MCTP2: variants seen among roughly 807,000 people sequenced by gnomAD.
MCTP2 encodes the protein multiple C2 and transmembrane domain-containing protein 2.
Under a neutral mutation model 111.6 loss-of-function variants are expected in MCTP2, and 132 were observed. The observed-to-expected ratio is 1.18, with a 90% confidence interval of 1.03 to 1.37. The LOEUF (loss-of-function observed/expected upper bound fraction) is 1.37, where lower values mean the gene tolerates loss of function less well. Ranked by LOEUF, MCTP2 falls within the 40% of genes most tolerant of loss-of-function variation. The probability of loss-of-function intolerance (pLI) is 0.00; values close to 1 mark genes in which losing one functional copy is unlikely to be tolerated. For synonymous variants in MCTP2, 395 were observed against 387.7 expected (o/e 1.02, Z -0.22); for missense variants, 1,183 against 1,067.9 (o/e 1.11, Z -1.50).
At chr15:94,400,163 T>A (rs572726930) in intron 16 of MCTP2, among the ~76,000 whole-genome samples, 168 bp downstream of exon 16, 1 of 152,216 alleles carries the variant, frequency 6.6e-6, no homozygotes, top group South Asian at 2.1e-4. Context: ...CCTTCTCTCC[T>A]AAAATAAGGA....
intron 1 of MCTP2, among the ~76,000 whole-genome samples, chr15:94,269,441 G>T (rs1020012150): frequency 4.6e-5 from 7 of 152,146 alleles, no homozygotes; most frequent in African/African-American, 1.7e-4. Context: ...TAATAGAGTA[G>T]ATTTGTCTTT....
chr15:94,450,755 A>C (rs1428186938), intron 19 of MCTP2, among the ~76,000 whole-genome samples: 1 of 152,202 alleles, frequency 6.6e-6, no homozygotes, highest in Non-Finnish European at 1.5e-5. Flanking sequence ...CCTGTGACAA[A>C]TACTACTCAG....
rs1411832553 is a variant in MCTP2 at position 94,243,484 on chromosome 15, C to T, written c.-66+11820C>T. On this transcript the variant is annotated intron_variant, in intron 1 of 22. Transcript: ENST00000357742. ...GTATGCGTATATGCGTATGTACACACATACGTATGCGTACATATGTATGCG... is the reference window on the plus strand; with the variant it reads ...GTATGCGTATATGCGTATGTACACATATACGTATGCGTACATATGTATGCG... 1.4e-5 allele frequency among the ~76,000 whole-genome samples: 2 copies of T among 146,350 alleles called. 1 individual carries two copies. The highest frequency in any genetic ancestry group is 3.0e-5 in the Non-Finnish European group (2 of 66,348).
intron 7 of MCTP2, chr15:94,341,992 T>C (rs1055174666): frequency 6.6e-6 from 1 of 152,202 alleles, no homozygotes; most frequent in African/African-American, 2.4e-5. Flanking sequence ...TCCGTGACTC[T>C]GGATTCAGTG....
chr15:94,315,635 G>A lies in MCTP2; in HGVS notation c.635G>A (p.Cys212Tyr), dbSNP rs1294281823. The part of the protein sequence containing the change: ...EGRNLVVRDR[C>Y]GTSDPYVKFK... ...CGGAACCTGGTTGTCCGAGATCGCT[G>A]TGGTAAGACCTGGGTCTGTTATGGT... The change falls in exon 4 of 23, where the codon TGT becomes TAT. Residue 212 changes from cysteine to tyrosine, a missense_variant and splice_region_variant. Cys to Tyr is a radical substitution (Grantham distance 194). Transcript: ENST00000357742. 1 of 1,612,638 alleles carries A rather than the reference G, an allele frequency of 6.2e-7. No individual in the cohort carries two copies. Among genetic ancestry groups the A allele is most frequent in the Non-Finnish European group, 8.5e-7 (1 of 1,178,798 alleles).
At chr15:94,293,362 A>G (rs1596284908) in intron 1 of MCTP2, among the ~76,000 whole-genome samples, 1 of 152,248 alleles carries the variant, frequency 6.6e-6, no homozygotes, top group Admixed American at 6.5e-5. Flanking sequence ...CTCAACAATA[A>G]GAAAACCCAA....
chr15:94,460,247 C>G (rs2085102499), intron 20 of MCTP2, among the ~76,000 whole-genome samples: 1 of 152,122 alleles, frequency 6.6e-6, no homozygotes, highest in Non-Finnish European at 1.5e-5. Context: ...ACAGAAGAAA[C>G]TTATCAGCAT....
chr15:94,267,161 C>T (rs150999311), intron 1 of MCTP2, among the ~76,000 whole-genome samples: 51 of 152,266 alleles, frequency 3.3e-4, no homozygotes, highest in African/African-American at 1.2e-3. Flanking sequence ...TCACCACTGC[C>T]GCAATCATAA....
chr15:94,390,725 CTTTTTTTTTT>C (rs777312969), intron 14 of MCTP2, among the ~76,000 whole-genome samples: 2 of 112,984 alleles, frequency 1.8e-5, no homozygotes, highest in Non-Finnish European at 3.7e-5. Flanking sequence ...CTTTTCTTTT[CTTTTTTTTTT>C]TTTTTTTTTT....
chr15:94,422,419 A>G (rs2082669928), intron 17 of MCTP2, among the ~76,000 whole-genome samples: 1 of 152,196 alleles, frequency 6.6e-6, no homozygotes, highest in Non-Finnish European at 1.5e-5. Flanking sequence ...TTCAAGCTAC[A>G]TTTTGAAAGC....
chr15:94,256,601 A>G (rs894563836), intron 1 of MCTP2, among the ~76,000 whole-genome samples: 5 of 152,210 alleles, frequency 3.3e-5, no homozygotes, highest in African/African-American at 1.2e-4. Context: ...AGTGAGTATC[A>G]GGAAGGCAGA....
At chr15:94,291,126 G>T (rs999301241) in intron 1 of MCTP2, among the ~76,000 whole-genome samples, 1 of 152,268 alleles carries the variant, frequency 6.6e-6, no homozygotes. Context: ...CACATTGGGG[G>T]TCATAAGTCA....
chr15:94,243,466 T>A (rs2071278755), intron 1 of MCTP2, among the ~76,000 whole-genome samples: 1 of 113,578 alleles, frequency 8.8e-6, no homozygotes, highest in Non-Finnish European at 1.9e-5. Flanking sequence ...TGCGTATGCG[T>A]ATATGCGTAT....
chr15:94,448,023 C>T (rs2084220476), intron 19 of MCTP2, among the ~76,000 whole-genome samples: 1 of 152,186 alleles, frequency 6.6e-6, no homozygotes, highest in Admixed American at 6.5e-5. Context: ...TACCATCTTT[C>T]AAGCCTTTTA....
In MCTP2 at chr15:94,333,019, G is replaced by A. The variant is rs188952072; in HGVS notation, c.638-6271G>A. Among the ~76,000 whole-genome samples the A allele has an allele frequency of 8.9e-4, 136 of 152,282 alleles. 1 individual carries two copies. The highest frequency in any genetic ancestry group is 3.2e-3 in the African/African-American group (133 of 41,556). On this transcript the variant is annotated intron_variant, in intron 4 of 22. Coordinates refer to ENST00000357742, the MANE Select transcript of MCTP2 (RefSeq NM_001385001.1). ...TGGGATGCTGAGGCAGGCAGATTGC[G>A]AGGTCAGGAATCCGAGACCAGCCCG...
intron 1 of MCTP2, among the ~76,000 whole-genome samples, chr15:94,294,841 G>T (rs184410765): frequency 2.6e-5 from 4 of 151,858 alleles, no homozygotes. Flanking sequence ...CAGATTCTTG[G>T]GACTCACGTT....
chr15:94,402,568 A>C, intron 17 of MCTP2: 2 of 1,551,680 alleles, frequency 1.3e-6, no homozygotes, highest in Non-Finnish European at 1.7e-6. Context: ...GCATAATAAA[A>C]TCGCAGAATC....
chr15:94,333,359 ATATCAGCTTATTAAGCTT>A (rs1170545258), intron 4 of MCTP2, among the ~76,000 whole-genome samples: 3 of 152,216 alleles, frequency 2.0e-5, no homozygotes, highest in African/African-American at 7.2e-5. Context: ...TTTGAAGTAC[ATATCAGCTTATTAAGCTT>A]TTCTAGATGG....
At chr15:94,243,934 T>C (rs536434145) in intron 1 of MCTP2, among the ~76,000 whole-genome samples, 27 of 146,846 alleles carry the variant, frequency 1.8e-4, no homozygotes, top group Non-Finnish European at 1.4e-4. Context: ...CACATATGTG[T>C]ACACATACAT....
Sources: allele counts gnomAD v4.1 joint callset (sites outside exome capture counted in the v4.1 genomes callset), GRCh38; gene constraint gnomAD v4.1.1; transcripts MANE v1.5; gene names NCBI Gene and HGNC (gene_info 2026-07-23, HGNC 2026-07-21).